SPNS1: variants seen among roughly 807,000 people sequenced by gnomAD.
The protein encoded by SPNS1 is protein spinster homolog 1.
In SPNS1, 22 loss-of-function variants were observed where a neutral mutation model predicts 50.3. The observed-to-expected ratio is 0.44, with a 90% CI of 0.31 to 0.62. SPNS1 has a LOEUF of 0.62. Among genes scored for constraint, SPNS1 ranks in the 20% least tolerant of loss-of-function variants. SPNS1 has a pLI of 0.07. For synonymous variants in SPNS1, 295 were observed against 317.4 expected (o/e 0.93, Z 0.75); for missense variants, 576 against 728.6 (o/e 0.79, Z 2.41).
In SPNS1 at chr16:28,981,313, C is replaced by T; in HGVS notation, c.664-157C>T. 1.1e-6 allele frequency: 1 copy of T among 930,350 alleles called. No individual in the cohort carries two copies. The highest frequency in any genetic ancestry group is 2.9e-5 in the Admixed American group (1 of 35,042). The allele number at this position is 930,350 out of a possible 1,614,324, so 57.6% of individuals were successfully genotyped here. A position where few individuals can be genotyped will look rare whatever the true frequency, so the allele number is the denominator to read the frequency against. Reference sequence around the variant, plus strand: ...AAATAGGGTGGCCCCTAGTGGCAGCCCCCTTCCCCCAGATTGCAGGTTCGG... The same window carrying T: ...AAATAGGGTGGCCCCTAGTGGCAGCTCCCTTCCCCCAGATTGCAGGTTCGG... On this transcript the variant is annotated intron_variant, in intron 5 of 11. Transcript: ENST00000311008. The surrounding 1 kb of genome is among the most constrained non-coding windows in gnomAD (Gnocchi z 4.2).
chr16:28,982,644 A>G (rs1567526592), intron 8 of SPNS1, 99 bp downstream of exon 8: 6 of 1,394,220 alleles, frequency 4.3e-6, no homozygotes, highest in Non-Finnish European at 3.9e-6. Flanking sequence ...GTTTTGAATC[A>G]CAGCTCTGGC....
chr16:28,976,355 G>C (rs915287433), intron 2 of SPNS1, among the ~76,000 whole-genome samples: 2 of 152,172 alleles, frequency 1.3e-5, no homozygotes, highest in Admixed American at 6.5e-5. Flanking sequence ...TTTGGGACTT[G>C]TGGGAGAGGC....
In SPNS1 at chr16:28,981,859, A is replaced by C; in HGVS notation, c.810-42A>C. 6.2e-7 allele frequency: 1 copy of C among 1,608,164 alleles called. No individual in the cohort carries two copies. The highest frequency in any genetic ancestry group is 8.5e-7 in the Non-Finnish European group (1 of 1,175,812). On this transcript the variant is annotated intron_variant, in intron 6 of 11. Coordinates refer to ENST00000311008, the MANE Select transcript of SPNS1 (RefSeq NM_032038.3). This position sits in a 1 kb window ranked among gnomAD's most constrained non-coding sequence, Gnocchi z 4.2. ...AAGAGAGGTCCCCTCCTGCCTCGAC[A>C]CCTCCGTGGGGTCTTACTCTCTCCC... is the stretch of plus-strand genomic sequence containing the variant.
rs767378634 is a variant in SPNS1, at chr16:28,981,989, C to T, written c.898C>T (p.Arg300Cys). 5.6e-6 allele frequency: 9 copies of T among 1,614,094 alleles called. No homozygotes were observed. The highest frequency in any genetic ancestry group is 2.2e-5 in the East Asian group (1 of 44,898). Residue 300 changes from arginine to cysteine, a missense_variant, in exon 7 of 12, where the codon CGT (arginine) becomes TGT (cysteine). Physicochemically the swap from Arg to Cys is radical, Grantham distance 180 (BLOSUM62 -3). Coordinates refer to ENST00000311008, the MANE Select transcript of SPNS1 (RefSeq NM_032038.3). The surrounding 1 kb of genome is among the most constrained non-coding windows in gnomAD (Gnocchi z 4.2). Reference protein sequence around the residue: ...LALWAPAFLLRSRVVLGETPP... With the variant: ...LALWAPAFLLCSRVVLGETPP... The stretch of plus-strand genomic sequence containing the variant: ...TCTGTGGGCTCCGGCATTCCTGCTG[C>T]GTTCCCGCGTGGTCCTTGGGGAGAC...
downstream of SPNS1, chr16:28,984,696 TCTC>T (rs1044267425): frequency 2.9e-6 from 2 of 684,304 alleles, no homozygotes; most frequent in African/African-American, 1.8e-5. Flanking sequence ...GGACTGCTCT[TCTC>T]CGAGTGAGCT....
chr16:28,977,753 C>T (rs531738785), intron 2 of SPNS1, among the ~76,000 whole-genome samples, 155 bp from the exon 3 acceptor site: 1 of 152,232 alleles, frequency 6.6e-6, no homozygotes, highest in African/African-American at 2.4e-5. Context: ...ATCCGCCTGA[C>T]AGGAAGCTCT....
At position 28,983,404 on chromosome 16, in the gene SPNS1, T is replaced by C; in HGVS notation, c.1320+114T>C. The C allele has an allele frequency of 1.2e-6, 1 of 823,080 alleles. No individual in the cohort carries two copies. The highest frequency in any genetic ancestry group is 2.0e-6 in the Non-Finnish European group (1 of 490,790). The allele number at this position is 823,080 out of a possible 1,614,324, so 51.0% of individuals were successfully genotyped here. ...TCCTGCGTGCTGGGCACTTCTCACCTTCCATTGTCAACTGGAGGAGAAAGA... is the reference window on the plus strand; with the variant it reads ...TCCTGCGTGCTGGGCACTTCTCACCCTCCATTGTCAACTGGAGGAGAAAGA... On this transcript the variant is annotated intron_variant, in intron 10 of 11. Coordinates refer to ENST00000311008, the MANE Select transcript of SPNS1 (RefSeq NM_032038.3). This position sits in a 1 kb window ranked among gnomAD's most constrained non-coding sequence, Gnocchi z 5.4.
At chr16:28,984,735 C>T, downstream of SPNS1, 2 of 847,590 alleles carry the variant, frequency 2.4e-6, no homozygotes, top group Non-Finnish European at 3.8e-6. Flanking sequence ...TGAGTCACGC[C>T]CCTGCTTCCC....
In SPNS1 at chr16:28,981,740, T is replaced by C; in HGVS notation, c.809+125T>C. ...AGTAATTCGGTCGATACTGTCCCCT[T>C]GTGGCAGCTGCTTGAATTACAGGCC... On this transcript the variant is annotated intron_variant, in intron 6 of 11. Transcript: ENST00000311008. This position sits in a 1 kb window ranked among gnomAD's most constrained non-coding sequence, Gnocchi z 4.2. 1 of 1,491,262 alleles carries C rather than the reference T, an allele frequency of 6.7e-7. No homozygotes were observed. The highest frequency in any genetic ancestry group is 9.1e-7 in the Non-Finnish European group (1 of 1,097,654). 92.4% of individuals were successfully genotyped at this position (1,491,262 alleles called of 1,614,324 possible). A position where few individuals can be genotyped will look rare whatever the true frequency, so the allele number is the denominator to read the frequency against.
Position 28,983,292 on chromosome 16 carries a change from T to C in SPNS1, c.1320+2T>C. ...GGGAGCCCCTACCTCATTGGCCTGG[T>C]GAGCATTATTTCTTGGCTGGCATGG... On this transcript the variant is annotated splice_donor_variant, in intron 10 of 11. Transcript: ENST00000311008. LOFTEE classifies it high-confidence loss of function. This position sits in a 1 kb window ranked among gnomAD's most constrained non-coding sequence, Gnocchi z 5.4. 2 of 1,613,132 alleles carry C rather than the reference T, an allele frequency of 1.2e-6. No homozygotes were observed. Among genetic ancestry groups the C allele is most frequent in the Non-Finnish European group, 1.7e-6 (2 of 1,179,090 alleles).
At position 28,984,354 on chromosome 16, in the gene SPNS1, C is replaced by T. The variant is rs752495360; in HGVS notation, c.*55C>T. On this transcript the variant is annotated 3_prime_UTR_variant, in exon 12 of 12. Transcript: ENST00000311008. ...GCCACAGCTGGCCCTGGGCCCACCC[C>T]ACGAAGGGCCTGGGCCTAACCCCTT... 6.5e-7 allele frequency: 1 copy of T among 1,545,610 alleles called. No homozygotes were observed. The highest frequency in any genetic ancestry group is 8.8e-7 in the Non-Finnish European group (1 of 1,132,296).
Position 28,981,829 on chromosome 16 carries a change from G to A in SPNS1, c.810-72G>A. Reference sequence around the variant, plus strand: ...TGACCTTACTAAAATAAGCCAGGAAGGGAGAAGAGAGGTCCCCTCCTGCCT... The same window carrying A: ...TGACCTTACTAAAATAAGCCAGGAAAGGAGAAGAGAGGTCCCCTCCTGCCT... On this transcript the variant is annotated intron_variant, in intron 6 of 11. Coordinates refer to ENST00000311008, the MANE Select transcript of SPNS1 (RefSeq NM_032038.3). This position sits in a 1 kb window ranked among gnomAD's most constrained non-coding sequence, Gnocchi z 4.2. The A allele has an allele frequency of 1.3e-6, 2 of 1,585,194 alleles. No individual in the cohort carries two copies. The highest frequency in any genetic ancestry group is 1.3e-5 in the African/African-American group (1 of 74,480).
Position 28,981,766 on chromosome 16 carries a change from C to T in SPNS1, c.810-135C>T. On this transcript the variant is annotated intron_variant, in intron 6 of 11. Coordinates refer to ENST00000311008, the MANE Select transcript of SPNS1 (RefSeq NM_032038.3). This position sits in a 1 kb window ranked among gnomAD's most constrained non-coding sequence, Gnocchi z 4.2. Reference sequence around the variant, plus strand: ...GTGGCAGCTGCTTGAATTACAGGCCCAGATCCTGGGAGCCAGAACCACCTC... The same window carrying T: ...GTGGCAGCTGCTTGAATTACAGGCCTAGATCCTGGGAGCCAGAACCACCTC... The T allele has an allele frequency of 1.3e-6, 2 of 1,491,136 alleles. No individual in the cohort carries two copies. Among genetic ancestry groups the T allele is most frequent in the Non-Finnish European group, 1.8e-6 (2 of 1,097,078 alleles). 92.4% of individuals were successfully genotyped at this position (1,491,136 alleles called of 1,614,324 possible). A position where few individuals can be genotyped will look rare whatever the true frequency, so the allele number is the denominator to read the frequency against.
chr16:28,976,009 C>A (rs1315422111), intron 2 of SPNS1, among the ~76,000 whole-genome samples: 1 of 152,162 alleles, frequency 6.6e-6, no homozygotes, highest in South Asian at 2.1e-4. Flanking sequence ...TGGTGACTCA[C>A]GCCTGTAGTC....
At chr16:28,978,176 C>T (rs1447503137) in intron 3 of SPNS1, 132 bp downstream of exon 3, 2 of 1,267,448 alleles carry the variant, frequency 1.6e-6, no homozygotes, top group Admixed American at 4.5e-5. Context: ...CATTTTATAC[C>T]CCTCCTTGCC....
In SPNS1 at chr16:28,984,345, G is replaced by A. The variant is rs1315334686; in HGVS notation, c.*46G>A. 1.3e-6 allele frequency: 2 copies of A among 1,582,896 alleles called. No homozygotes were observed. The highest frequency in any genetic ancestry group is 1.7e-6 in the Non-Finnish European group (2 of 1,162,190). On this transcript the variant is annotated 3_prime_UTR_variant, in exon 12 of 12. Transcript: ENST00000311008. ...TGCACATCTGCCACAGCTGGCCCTG[G>A]GCCCACCCCACGAAGGGCCTGGGCC...
In SPNS1 at chr16:28,974,991, G is replaced by A; in HGVS notation, c.-161G>A. Reference sequence around the variant, plus strand: ...GACGGGGAGGCGTGACAGGGCCCGGGTCCCTTCTCAGTGGTGCTCTGTGCT... The same window carrying A: ...GACGGGGAGGCGTGACAGGGCCCGGATCCCTTCTCAGTGGTGCTCTGTGCT... On this transcript the variant is annotated 5_prime_UTR_variant, in exon 1 of 12. Transcript: ENST00000311008. The A allele has an allele frequency of 6.9e-7, 1 of 1,457,042 alleles. No homozygotes were observed. The allele number at this position is 1,457,042 out of a possible 1,614,324, so 90.3% of individuals were successfully genotyped here.
At chr16:28,984,584 A>T, downstream of SPNS1, 1 of 612,908 alleles carries the variant, frequency 1.6e-6, no homozygotes. Flanking sequence ...GTGGCCTCTG[A>T]TCTTGCACCC....
intron 2 of SPNS1, 38 bp downstream of exon 2, chr16:28,975,595 CCTT>C: frequency 1.2e-6 from 2 of 1,610,864 alleles, no homozygotes; most frequent in Non-Finnish European, 8.5e-7. Flanking sequence ...AGCCGCTCCT[CCTT>C]CTGTTCTGTC....
Sources: allele counts gnomAD v4.1 joint callset (sites outside exome capture counted in the v4.1 genomes callset), GRCh38; gene constraint gnomAD v4.1.1; non-coding constraint Gnocchi (gnomAD v3.1); transcripts MANE v1.5; gene names NCBI Gene and HGNC (gene_info 2026-07-23, HGNC 2026-07-21).